COL25A1: variants seen among roughly 807,000 people sequenced by gnomAD.
COL25A1 encodes collagen type XXV alpha 1 chain.
COL25A1 carries 103 observed loss-of-function variants against 128.4 expected under a neutral mutation model. That is an observed-to-expected ratio of 0.80 (90% CI 0.68 to 0.94). COL25A1 has a LOEUF of 0.94. Ranked by LOEUF, COL25A1 falls within the 40% of genes least tolerant of loss-of-function variation. The pLI is 0.00. For missense variants in COL25A1, 745 were observed against 840.0 expected (o/e 0.89, Z 1.40); for synonymous variants, 279 against 277.2 (o/e 1.01, Z -0.06).
chr4:109,010,785 GAC>G (rs1756506360), intron 5 of COL25A1, among the ~76,000 whole-genome samples: 1 of 152,116 alleles, frequency 6.6e-6, no homozygotes, highest in Admixed American at 6.5e-5. Flanking sequence ...ATTCAAACAT[GAC>G]AGAGTTACGT....
At chr4:108,964,238 C>A (rs181208225) in intron 8 of COL25A1, among the ~76,000 whole-genome samples, 16 of 151,648 alleles carry the variant, frequency 1.1e-4, no homozygotes, top group East Asian at 3.9e-4. Context: ...TGGTTGGTAT[C>A]ATTTTCCAGG....
chr4:108,828,158 T>C (rs550660933), intron 32 of COL25A1, among the ~76,000 whole-genome samples: 2 of 152,340 alleles, frequency 1.3e-5, no homozygotes, highest in Non-Finnish European at 2.9e-5. Flanking sequence ...TTTTTTATTT[T>C]GAGACAGAGT....
rs114642695 is a variant in COL25A1 at position 109,219,438 on chromosome 4, T to C, written c.367+81145A>G. Among the ~76,000 whole-genome samples, 718 of 152,160 alleles carry C rather than the reference T, an allele frequency of 4.7e-3. 6 individuals are homozygous for C. The highest frequency in any genetic ancestry group is 0.016 in the African/African-American group (678 of 41,506). On this transcript the variant is annotated intron_variant, in intron 3 of 37. Coordinates refer to ENST00000399132, the MANE Select transcript of COL25A1 (RefSeq NM_198721.4). ...GAAAGACTGAGAACAAATAATTCTT[T>C]TAATTATCAGTTTTTACTCTTAGTC... is the stretch of plus-strand genomic sequence containing the variant.
intron 3 of COL25A1, among the ~76,000 whole-genome samples, chr4:109,277,455 G>A (rs1030501807): frequency 6.6e-6 from 1 of 152,062 alleles, no homozygotes; most frequent in Non-Finnish European, 1.5e-5. Flanking sequence ...AGTGGGGGAG[G>A]AAAAATCTTA....
intron 31 of COL25A1, chr4:108,834,402 G>C: frequency 1.9e-6 from 3 of 1,550,464 alleles, no homozygotes; most frequent in Non-Finnish European, 2.6e-6. Flanking sequence ...TGTGTGATTT[G>C]GTTGGTAGCA....
intron 27 of COL25A1, 105 bp from the exon 28 acceptor site, chr4:108,846,324 A>G: frequency 1.3e-6 from 1 of 755,380 alleles, no homozygotes; most frequent in South Asian, 1.5e-5. Flanking sequence ...AGGTGGGTTC[A>G]ATGTTGAGAT....
chr4:108,838,058 T>C, intron 31 of COL25A1: 1 of 1,390,410 alleles, frequency 7.2e-7, no homozygotes, highest in South Asian at 1.2e-5. Flanking sequence ...GAAAGAAAAA[T>C]CTGAGATTTG....
At chr4:109,265,528 T>TGC (rs1171778036) in intron 3 of COL25A1, among the ~76,000 whole-genome samples, 1 of 138,174 alleles carries the variant, frequency 7.2e-6, no homozygotes, top group Non-Finnish European at 1.5e-5. Context: ...CGTGTGTGTG[T>TGC]GTGTGTGTGT....
At chr4:109,254,526 T>C (rs1780954439) in intron 3 of COL25A1, among the ~76,000 whole-genome samples, 1 of 142,418 alleles carries the variant, frequency 7.0e-6, no homozygotes, top group Non-Finnish European at 1.5e-5. Context: ...TATATACATA[T>C]ACATATATAT....
intron 3 of COL25A1, among the ~76,000 whole-genome samples, chr4:109,210,252 T>C (rs1371053467): frequency 2.6e-5 from 4 of 152,082 alleles, no homozygotes; most frequent in African/African-American, 9.7e-5. Flanking sequence ...GTCAAAAAAC[T>C]CCATTTTATA....
chr4:109,141,868 A>G (rs548136577), intron 3 of COL25A1, among the ~76,000 whole-genome samples: 1 of 152,220 alleles, frequency 6.6e-6, no homozygotes, highest in South Asian at 2.1e-4. Flanking sequence ...TAATCTTTTC[A>G]AAACACCAGT....
intron 3 of COL25A1, among the ~76,000 whole-genome samples, chr4:109,217,882 CTGAG>C (rs1778120849): frequency 6.6e-6 from 1 of 152,224 alleles, no homozygotes; most frequent in African/African-American, 2.4e-5. Context: ...TTTCTCCTCC[CTGAG>C]TATTTTCAGA....
intron 3 of COL25A1, among the ~76,000 whole-genome samples, chr4:109,052,897 G>C (rs1761120146): frequency 6.6e-6 from 1 of 152,138 alleles, no homozygotes; most frequent in Non-Finnish European, 1.5e-5. Flanking sequence ...GTGATGAATT[G>C]TCAGCCAGGC....
At chr4:109,073,752 C>T (rs900858558) in intron 3 of COL25A1, among the ~76,000 whole-genome samples, 6 of 152,298 alleles carry the variant, frequency 3.9e-5, no homozygotes, top group African/African-American at 1.4e-4. Flanking sequence ...ATCATATCTT[C>T]AGGTCTCTAT....
In COL25A1 at chr4:109,014,488, C is replaced by G. The variant is rs189175326; in HGVS notation, c.421-4113G>C. Among the ~76,000 whole-genome samples, 64 of 152,296 alleles carry G rather than the reference C, an allele frequency of 4.2e-4. No homozygotes were observed. In the East Asian group the frequency reaches 0.011, roughly 26 times the overall value. ...ACTCCTCTGGTGGTTCTACAAGTGA[C>G]AGACTTTTCCTGTCCATCTTTAATA... On this transcript the variant is annotated intron_variant, in intron 5 of 37. Transcript: ENST00000399132.
chr4:108,996,940 C>CA (rs1754838617), intron 6 of COL25A1, among the ~76,000 whole-genome samples: 1 of 152,184 alleles, frequency 6.6e-6, no homozygotes, highest in African/African-American at 2.4e-5. Context: ...AGAACAAAGA[C>CA]ACGATGTACC....
At chr4:108,981,793 A>C (rs2125997512) in intron 6 of COL25A1, among the ~76,000 whole-genome samples, 1 of 152,340 alleles carries the variant, frequency 6.6e-6, no homozygotes, top group Admixed American at 6.5e-5. Flanking sequence ...CAATTTATAA[A>C]ATGCCTGCCC....
intron 11 of COL25A1, among the ~76,000 whole-genome samples, chr4:108,922,657 C>G (rs898895587): frequency 6.6e-6 from 1 of 152,086 alleles, no homozygotes; most frequent in Admixed American, 6.6e-5. Context: ...AATCACAACT[C>G]TGAAATTCAT....
chr4:108,950,556 A>G (rs1237731149), intron 8 of COL25A1, among the ~76,000 whole-genome samples: 1 of 152,162 alleles, frequency 6.6e-6, no homozygotes, highest in African/African-American at 2.4e-5. Flanking sequence ...CCCAGAAAAT[A>G]TATTTTCCTT....
Sources: allele counts gnomAD v4.1 joint callset (sites outside exome capture counted in the v4.1 genomes callset), GRCh38; gene constraint gnomAD v4.1.1; transcripts MANE v1.5; gene names NCBI Gene and HGNC (gene_info 2026-07-23, HGNC 2026-07-21).